The following DEPDC7 variants were observed in gnomAD, a reference collection of about 807,000 sequenced individuals.
DEPDC7 encodes DEP domain-containing protein 7.
Under a neutral mutation model 56.6 loss-of-function variants are expected in DEPDC7, and 41 were observed. That is an observed-to-expected ratio of 0.72 (90% CI 0.56 to 0.94). DEPDC7 has a LOEUF of 0.94. DEPDC7 is among the 40% of genes least tolerant of loss of function. The pLI, the probability that DEPDC7 is intolerant of heterozygous loss-of-function variation, is 0.00. For missense variants in DEPDC7, 522 were observed against 596.3 expected (o/e 0.88, Z 1.30); for synonymous variants, 185 against 208.8 (o/e 0.89, Z 0.98).
At chr11:33,019,803 C>A (rs745334448) in intron 1 of DEPDC7, among the ~76,000 whole-genome samples, 2 of 151,536 alleles carry the variant, frequency 1.3e-5, no homozygotes, top group Non-Finnish European at 2.9e-5. Flanking sequence ...GCTAGGAAAT[C>A]TGAAAGAAAT....
intron 2 of DEPDC7, 59 bp from the exon 3 acceptor site, chr11:33,027,627 A>G: frequency 2.8e-6 from 4 of 1,416,636 alleles, no homozygotes; most frequent in Non-Finnish European, 3.7e-6. Flanking sequence ...TAGCTCTCAA[A>G]TACTAAAATA....
At chr11:33,026,842 A>C (rs1485400716) in intron 2 of DEPDC7, 2 of 151,878 alleles carry the variant, frequency 1.3e-5, no homozygotes, top group Non-Finnish European at 2.9e-5. Flanking sequence ...AGACCAGGCT[A>C]GTCTGAAATT....
intron 1 of DEPDC7, among the ~76,000 whole-genome samples, chr11:33,016,842 G>A (rs938010466): frequency 1.3e-5 from 2 of 152,170 alleles, no homozygotes; most frequent in Admixed American, 6.6e-5. Context: ...TAACTGTTAA[G>A]ATACTCAGAT....
chr11:33,027,858 A>C, intron 3 of DEPDC7, 45 bp downstream of exon 3: 1 of 1,470,308 alleles, frequency 6.8e-7, no homozygotes, highest in Non-Finnish European at 9.0e-7. Context: ...GACAAACTTC[A>C]AAGTTATTTA....
At chr11:33,032,624 C>G in intron 6 of DEPDC7, 44 bp from the exon 7 acceptor site, 1 of 1,403,976 alleles carries the variant, frequency 7.1e-7, no homozygotes, top group Non-Finnish European at 9.6e-7. Flanking sequence ...TTAAACTTGT[C>G]TCTTAAATAT....
intron 2 of DEPDC7, among the ~76,000 whole-genome samples, chr11:33,027,006 T>G (rs549883525): frequency 1.3e-5 from 2 of 152,284 alleles, no homozygotes; most frequent in Non-Finnish European, 2.9e-5. Flanking sequence ...GAGGATAAAG[T>G]AAGGCACAGT....
intron 1 of DEPDC7, among the ~76,000 whole-genome samples, chr11:33,017,395 G>A (rs142728179): frequency 3.9e-4 from 59 of 152,256 alleles, no homozygotes; most frequent in African/African-American, 1.2e-3. Flanking sequence ...TACCAATTCT[G>A]GAGCTTTGGG....
rs763973250 is a variant in DEPDC7, at chr11:33,032,985, A to G, written c.1342+18A>G. ...AGATGCAGGTAATCTGAGAAATATT[A>G]TTTTCATGATCTTCCAAAGACAAAT... is the stretch of plus-strand genomic sequence containing the variant. On this transcript the variant is annotated intron_variant, in intron 8 of 8. Coordinates refer to ENST00000241051, the MANE Select transcript of DEPDC7 (RefSeq NM_001077242.2). The G allele has an allele frequency of 3.9e-6, 6 of 1,527,820 alleles. No individual in the cohort carries two copies. Among genetic ancestry groups the G allele is most frequent in the Non-Finnish European group, 5.3e-6 (6 of 1,122,824 alleles). 94.6% of individuals were successfully genotyped at this position (1,527,820 alleles called of 1,614,324 possible). A position where few individuals can be genotyped will look rare whatever the true frequency, so the allele number is the denominator to read the frequency against.
In DEPDC7 at chr11:33,015,999, C is replaced by G; in HGVS notation, c.44C>G (p.Ala15Gly). ...AAGGCTGCTGCGCTGAACCTCTCGG[C>G]TCTCCACAGCCCCGCGCACAGGCCT... ...QEKAAALNLSALHSPAHRPPG... is the reference protein window; with the variant it reads ...QEKAAALNLSGLHSPAHRPPG... Residue 15 changes from alanine to glycine, a missense_variant, in exon 1 of 9, where the codon GCT (alanine) becomes GGT (glycine). By Grantham distance (60) the Ala-to-Gly change is moderately conservative. Transcript: ENST00000241051. 1.9e-6 allele frequency: 3 copies of G among 1,569,012 alleles called. No homozygotes were observed. Among genetic ancestry groups the G allele is most frequent in the Non-Finnish European group, 2.6e-6 (3 of 1,158,302 alleles).
At position 33,033,221 on chromosome 11, in the gene DEPDC7, A is replaced by T. The variant is rs1590210895; in HGVS notation, c.1343-41A>T. 3 of 1,385,950 alleles carry T rather than the reference A, an allele frequency of 2.2e-6. No homozygotes were observed. In the African/African-American group the frequency reaches 4.4e-5, roughly 20 times the overall value. 85.9% of individuals were successfully genotyped at this position (1,385,950 alleles called of 1,614,324 possible). A position where few individuals can be genotyped will look rare whatever the true frequency, so the allele number is the denominator to read the frequency against. On this transcript the variant is annotated intron_variant, in intron 8 of 8. Coordinates refer to ENST00000241051, the MANE Select transcript of DEPDC7 (RefSeq NM_001077242.2). The stretch of plus-strand genomic sequence containing the variant: ...TTGATTTTTCTGCTTAAATATGAGG[A>T]ATTGAGTCATTAACTGAACTTTTTA...
At chr11:33,020,532 G>A (rs1187880305) in intron 1 of DEPDC7, among the ~76,000 whole-genome samples, 1 of 152,180 alleles carries the variant, frequency 6.6e-6, no homozygotes, top group African/African-American at 2.4e-5. Flanking sequence ...GTATCTGGTA[G>A]GGTCAAATTT....
At chr11:33,025,571 C>A (rs1853568335) in intron 1 of DEPDC7, 88 bp from the exon 2 acceptor site, 2 of 1,293,870 alleles carry the variant, frequency 1.5e-6, no homozygotes, top group Non-Finnish European at 2.1e-6. Context: ...TTGGAAATTA[C>A]CACATTTTTG....
At chr11:33,032,640 A>G in intron 6 of DEPDC7, 28 bp from the exon 7 acceptor site, 9 of 1,476,684 alleles carry the variant, frequency 6.1e-6, no homozygotes, top group Non-Finnish European at 8.3e-6. Flanking sequence ...AATATATACT[A>G]TTGGATATAT....
chr11:33,026,377 GAA>G (rs1432585783), intron 2 of DEPDC7: 242 of 312,106 alleles, frequency 7.8e-4, no homozygotes, highest in African/African-American at 5.0e-3. Flanking sequence ...TGGGAGAGAA[GAA>G]GGAATTATTT....
intron 4 of DEPDC7, among the ~76,000 whole-genome samples, chr11:33,029,047 T>G (rs1469653618): frequency 6.6e-6 from 1 of 151,998 alleles, no homozygotes; most frequent in Non-Finnish European, 1.5e-5. Flanking sequence ...ATGCTTTAGC[T>G]TCTTATCTTT....
At chr11:33,024,061 A>T (rs1853549689) in intron 1 of DEPDC7, among the ~76,000 whole-genome samples, 1 of 151,984 alleles carries the variant, frequency 6.6e-6, no homozygotes, top group Non-Finnish European at 1.5e-5. Flanking sequence ...TAAAGGGCCT[A>T]CTCTTTATGA....
chr11:33,031,648 A>G (rs746345212), intron 5 of DEPDC7, 59 bp downstream of exon 5: 3 of 1,405,206 alleles, frequency 2.1e-6, no homozygotes, highest in Middle Eastern at 2.0e-4. Context: ...AGAAAAAGTT[A>G]GTTCTCAAAC....
intron 3 of DEPDC7, 145 bp from the exon 4 acceptor site, chr11:33,028,458 G>C (rs1408037256): frequency 2.6e-5 from 15 of 587,942 alleles, no homozygotes; most frequent in Non-Finnish European, 4.3e-5. Context: ...GTTTTACTTT[G>C]TTATAAGAAA....
rs1291776710 is a variant in DEPDC7, at chr11:33,015,987, T to C, written c.32T>C (p.Leu11Pro). The C allele has an allele frequency of 6.3e-7, 1 of 1,576,122 alleles. No homozygotes were observed. The highest frequency in any genetic ancestry group is 1.8e-5 in the Admixed American group (1 of 55,174). MATVQEKAAALNLSALHSPAH... is the reference protein window; with the variant it reads MATVQEKAAAPNLSALHSPAH... ...ACCGTGCAGGAGAAGGCTGCTGCGCTGAACCTCTCGGCTCTCCACAGCCCC... is the reference window on the plus strand; with the variant it reads ...ACCGTGCAGGAGAAGGCTGCTGCGCCGAACCTCTCGGCTCTCCACAGCCCC... Residue 11 changes from leucine (L) to proline (P), a missense_variant, in exon 1 of 9, where the codon CTG becomes CCG. Coordinates refer to ENST00000241051, the MANE Select transcript of DEPDC7 (RefSeq NM_001077242.2).
Sources: gnomAD v4.1 joint callset for allele counts (sites outside exome capture counted in the v4.1 genomes callset) on GRCh38, gnomAD v4.1.1 for gene constraint, MANE v1.5 for transcripts, NCBI Gene and HGNC (gene_info 2026-07-23, HGNC 2026-07-21) for gene names.